The following LRRC4C variants were observed in gnomAD, a reference collection of about 807,000 sequenced individuals.
LRRC4C encodes the protein leucine rich repeat containing 4C.
LRRC4C carries 5 observed loss-of-function variants against 33.6 expected under a neutral mutation model. The observed-to-expected ratio is 0.15, with a 90% CI of 0.08 to 0.31. The LOEUF (loss-of-function observed/expected upper bound fraction) is 0.31, where lower values mean the gene tolerates loss of function less well. Ranked by LOEUF, LRRC4C falls within the 10% of genes least tolerant of loss-of-function variation. The pLI is 1.00. For synonymous variants in LRRC4C, 329 were observed against 302.0 expected, an observed-to-expected ratio of 1.09 and a Z score of -0.93; for missense variants, 560 against 796.7, an observed-to-expected ratio of 0.70 and a Z score of 3.58.
At chr11:41,419,139 T>G (rs1954788793) in intron 1 of LRRC4C, among the ~76,000 whole-genome samples, 1 of 151,728 alleles carries the variant, frequency 6.6e-6, no homozygotes. Context: ...AATACAAACT[T>G]CCTGTCCCTG....
At chr11:40,847,310 T>C (rs1174779845) in intron 2 of LRRC4C, among the ~76,000 whole-genome samples, 1 of 152,088 alleles carries the variant, frequency 6.6e-6, no homozygotes, top group African/African-American at 2.4e-5. Flanking sequence ...ATTATTTTGA[T>C]ATACTTTCCA....
chr11:40,503,993 T>G (rs1485485235), intron 3 of LRRC4C, among the ~76,000 whole-genome samples: 1 of 152,110 alleles, frequency 6.6e-6, no homozygotes, highest in African/African-American at 2.4e-5. Flanking sequence ...AAAAGAGACA[T>G]GTACAGCCCC....
At chr11:40,492,237 C>G (rs1318785201) in intron 3 of LRRC4C, among the ~76,000 whole-genome samples, 1 of 152,146 alleles carries the variant, frequency 6.6e-6, no homozygotes, top group East Asian at 1.9e-4. Context: ...TGTCACTCGA[C>G]TACGTTGTCA....
At chr11:41,170,063 A>C (rs1402261526) in intron 1 of LRRC4C, among the ~76,000 whole-genome samples, 1 of 152,142 alleles carries the variant, frequency 6.6e-6, no homozygotes, top group Admixed American at 6.6e-5. Flanking sequence ...GGTGATCTCA[A>C]GCACTCTCAT....
intron 5 of LRRC4C, among the ~76,000 whole-genome samples, chr11:40,150,320 AT>A (rs1259214663): frequency 6.6e-6 from 1 of 152,226 alleles, no homozygotes; most frequent in Non-Finnish European, 1.5e-5. Context: ...TAGTATGTAG[AT>A]TTTTTGTGTA....
intron 2 of LRRC4C, among the ~76,000 whole-genome samples, chr11:40,711,307 T>A (rs986175641): frequency 1.1e-4 from 17 of 152,142 alleles, no homozygotes; most frequent in Non-Finnish European, 2.4e-4. Context: ...TGGGAGCTGT[T>A]CCTATTTGGT....
intron 3 of LRRC4C, among the ~76,000 whole-genome samples, chr11:40,451,508 C>T (rs999073804): frequency 6.7e-6 from 1 of 149,808 alleles, no homozygotes; most frequent in Non-Finnish European, 1.5e-5. Flanking sequence ...GCCTCAGCCT[C>T]CTGAGTAGCT....
chr11:40,344,996 A>T (rs1194456092), intron 3 of LRRC4C, among the ~76,000 whole-genome samples: 1 of 152,170 alleles, frequency 6.6e-6, no homozygotes, highest in Non-Finnish European at 1.5e-5. Context: ...GCTCAAATAA[A>T]TTGGAGATGA....
intron 1 of LRRC4C, among the ~76,000 whole-genome samples, chr11:41,153,318 TTTG>T (rs1179251171): frequency 6.6e-6 from 1 of 152,126 alleles, no homozygotes; most frequent in African/African-American, 2.4e-5. Flanking sequence ...AATGATGGTA[TTTG>T]TTGTTGTTTT....
intron 1 of LRRC4C, among the ~76,000 whole-genome samples, chr11:41,132,295 T>C (rs1943050402): frequency 1.3e-5 from 2 of 152,144 alleles, no homozygotes; most frequent in South Asian, 4.1e-4. Context: ...ATACAGAATA[T>C]TATTAACAAA....
intron 1 of LRRC4C, among the ~76,000 whole-genome samples, chr11:41,163,560 AG>A (rs1264448521): frequency 6.6e-6 from 1 of 151,510 alleles, no homozygotes; most frequent in African/African-American, 2.4e-5. Flanking sequence ...CTGCGATTAC[AG>A]GCATGAGCCA....
At chr11:41,274,872 C>G (rs747134700) in intron 1 of LRRC4C, among the ~76,000 whole-genome samples, 3 of 152,052 alleles carry the variant, frequency 2.0e-5, no homozygotes, top group Admixed American at 6.6e-5. Flanking sequence ...ACTCCGGACA[C>G]AATATGGTTT....
rs538265210 is a variant in LRRC4C at position 40,547,508 on chromosome 11, G to T, written c.-270+100634C>A. Among the ~76,000 whole-genome samples, 6 of 152,030 alleles carry T rather than the reference G, an allele frequency of 3.9e-5. No homozygotes were observed. In the South Asian group the frequency reaches 1.2e-3, roughly 32 times the overall value. On this transcript the variant is annotated intron_variant, in intron 3 of 6. Transcript: ENST00000528697. Reference sequence around the variant, plus strand: ...GACCCGTTTCATTTTACCACCACCTGGTGCCTGGTACCCTAAATTTTTTAT... The same window carrying T: ...GACCCGTTTCATTTTACCACCACCTTGTGCCTGGTACCCTAAATTTTTTAT...
intron 5 of LRRC4C, among the ~76,000 whole-genome samples, chr11:40,178,129 G>A (rs939583810): frequency 3.3e-5 from 5 of 152,154 alleles, no homozygotes; most frequent in Admixed American, 6.6e-5. Context: ...CAAATAGGCC[G>A]CCACGACATC....
rs182937631 is a variant in LRRC4C at position 41,058,861 on chromosome 11, C to T, written c.-495-125138G>A. Among the ~76,000 whole-genome samples the T allele has an allele frequency of 2.6e-5, 4 of 152,076 alleles. No homozygotes were observed. In the East Asian group the frequency reaches 5.8e-4, roughly 22 times the overall value. On this transcript the variant is annotated intron_variant, in intron 1 of 6. Coordinates refer to ENST00000528697, the MANE Select transcript of LRRC4C (RefSeq NM_001258419.2). The stretch of plus-strand genomic sequence containing the variant: ...AGAAAATATGGTGATTATACACCAT[C>T]GAATATTATGCAGCCATAAAAATGG...
chr11:41,234,170 C>T (rs12291260), intron 1 of LRRC4C, among the ~76,000 whole-genome samples: 5,606 of 152,018 alleles, frequency 0.037, 150 homozygotes, highest in African/African-American at 0.068. Flanking sequence ...CTGAACCATA[C>T]CTAATCCATT....
At chr11:40,489,512 G>C (rs992727903) in intron 3 of LRRC4C, among the ~76,000 whole-genome samples, 5 of 152,030 alleles carry the variant, frequency 3.3e-5, no homozygotes, top group Non-Finnish European at 7.4e-5. Flanking sequence ...CTGCCAGGTT[G>C]TCATTATTTA....
chr11:41,124,987 G>A (rs750933531), intron 1 of LRRC4C, among the ~76,000 whole-genome samples: 68 of 152,286 alleles, frequency 4.5e-4, no homozygotes, highest in African/African-American at 1.2e-3. Flanking sequence ...ACCAGTTATC[G>A]GTTTGAGAGT....
chr11:41,090,468 T>C (rs1204001129), intron 1 of LRRC4C, among the ~76,000 whole-genome samples: 1 of 152,174 alleles, frequency 6.6e-6, no homozygotes, highest in Non-Finnish European at 1.5e-5. Context: ...AAGATTGATA[T>C]GCTTGATATT....
Sources: allele counts gnomAD v4.1 joint callset (sites outside exome capture counted in the v4.1 genomes callset), GRCh38; gene constraint gnomAD v4.1.1; transcripts MANE v1.5; gene names NCBI Gene and HGNC (gene_info 2026-07-23, HGNC 2026-07-21).